Variants in PTGR2 observed in about 807,000 individuals in gnomAD.
The protein encoded by PTGR2 is prostaglandin reductase 2, also known as 15-oxoprostaglandin 13-reductase.
Under a neutral mutation model 43.4 loss-of-function variants are expected in PTGR2, and 32 were observed. The observed-to-expected ratio is 0.74, with a 90% CI of 0.56 to 0.99. The LOEUF is 0.99. PTGR2 is among the 50% of genes least tolerant of loss of function. PTGR2 has a pLI of 0.00. For synonymous variants in PTGR2, 106 were observed against 139.2 expected, an observed-to-expected ratio of 0.76 and a Z score of 1.68; for missense variants, 373 against 420.0, an observed-to-expected ratio of 0.89 and a Z score of 0.98.
intron 3 of PTGR2, among the ~76,000 whole-genome samples, chr14:73,873,742 G>C (rs2054790723): frequency 6.6e-6 from 1 of 152,064 alleles, no homozygotes; most frequent in Non-Finnish European, 1.5e-5. Context: ...AGGATTATAG[G>C]CCTGAGCCAC....
intron 1 of PTGR2, among the ~76,000 whole-genome samples, chr14:73,855,301 A>T (rs2054319735): frequency 6.6e-6 from 1 of 152,178 alleles, no homozygotes; most frequent in Non-Finnish European, 1.5e-5. Context: ...TAAATCTGTG[A>T]TGGCTGGGTT....
In PTGR2 at chr14:73,860,774, A is replaced by G. The variant is rs376244488; in HGVS notation, c.156+117A>G. On this transcript the variant is annotated intron_variant, in intron 3 of 9. Coordinates refer to ENST00000555661, the MANE Select transcript of PTGR2 (RefSeq NM_001146154.2). ...GATTGGTAAATATTTGAGCAGTTAT[A>G]TATTGATACCTTTTAATTATAGATT... 1.1e-4 allele frequency: 66 copies of G among 600,238 alleles called. 1 individual carries two copies. The highest frequency in any genetic ancestry group is 2.8e-4 in the South Asian group (14 of 49,514). The allele number at this position is 600,238 out of a possible 1,614,324, so 37.2% of individuals were successfully genotyped here. A position where few individuals can be genotyped will look rare whatever the true frequency, so the allele number is the denominator to read the frequency against.
chr14:73,864,128 T>C (rs906919107), intron 3 of PTGR2, among the ~76,000 whole-genome samples: 2 of 152,236 alleles, frequency 1.3e-5, no homozygotes, highest in South Asian at 4.1e-4. Flanking sequence ...TGTTGTAGTT[T>C]ATACTTCTTT....
intron 3 of PTGR2, chr14:73,861,554 A>G (rs2054490365): frequency 6.6e-6 from 1 of 152,098 alleles, no homozygotes; most frequent in Admixed American, 6.6e-5. Context: ...TGGACAAGAG[A>G]GTGAGACCCA....
At chr14:73,875,246 C>A (rs1293790542) in intron 4 of PTGR2, among the ~76,000 whole-genome samples, 1 of 152,138 alleles carries the variant, frequency 6.6e-6, no homozygotes, top group East Asian at 1.9e-4. Flanking sequence ...GATCCTCCCG[C>A]CTCAGCCCCA....
At chr14:73,882,850 T>C (rs2055026563) in intron 9 of PTGR2, among the ~76,000 whole-genome samples, 1 of 119,214 alleles carries the variant, frequency 8.4e-6, no homozygotes. Context: ...AGACGGAGTC[T>C]TGCTCTGTCT....
Position 73,876,978 on chromosome 14 carries a change from G to C in PTGR2, c.349-20G>C. The C allele has an allele frequency of 1.3e-6, 2 of 1,585,632 alleles. No homozygotes were observed. Among genetic ancestry groups the C allele is most frequent in the Non-Finnish European group, 1.7e-6 (2 of 1,161,158 alleles). On this transcript the variant is annotated intron_variant, in intron 4 of 9. Transcript: ENST00000555661. ...AACAGGAATTCCTAGTATTTTTAAA[G>C]GGTATATATTTTATTTTAGGTAGAC... is the stretch of plus-strand genomic sequence containing the variant.
intron 3 of PTGR2, among the ~76,000 whole-genome samples, chr14:73,872,783 C>A (rs904298736): frequency 4.0e-5 from 6 of 151,826 alleles, no homozygotes; most frequent in African/African-American, 1.5e-4. Context: ...TCGAGACCAG[C>A]CTGGCCAATA....
chr14:73,867,104 A>C (rs1024541414), intron 3 of PTGR2, among the ~76,000 whole-genome samples: 7 of 138,176 alleles, frequency 5.1e-5, no homozygotes, highest in African/African-American at 7.8e-5. Context: ...AAAAAAAAAA[A>C]AAAACAAAAA....
At chr14:73,864,776 G>A (rs1375467338) in intron 3 of PTGR2, among the ~76,000 whole-genome samples, 1 of 152,078 alleles carries the variant, frequency 6.6e-6, no homozygotes, top group Non-Finnish European at 1.5e-5. Context: ...ATCCATTGAA[G>A]CACAAAAGTT....
At chr14:73,862,030 A>G (rs1195975407) in intron 3 of PTGR2, among the ~76,000 whole-genome samples, 1 of 150,930 alleles carries the variant, frequency 6.6e-6, no homozygotes, top group Non-Finnish European at 1.5e-5. Flanking sequence ...GTCGTACACC[A>G]CCACACCCAG....
chr14:73,865,242 G>T (rs2054575328), intron 3 of PTGR2, among the ~76,000 whole-genome samples: 1 of 152,158 alleles, frequency 6.6e-6, no homozygotes, highest in Non-Finnish European at 1.5e-5. Context: ...ATACTTGTCA[G>T]TCCCAAGGCC....
chr14:73,885,243 T>A lies in PTGR2; in HGVS notation c.*1066T>A, dbSNP rs2055101713. The A allele has an allele frequency of 6.6e-6, 1 of 152,180 alleles. No homozygotes were observed. The highest frequency in any genetic ancestry group is 6.5e-5 in the Admixed American group (1 of 15,270). The allele number at this position is 152,180 out of a possible 1,614,324, so 9.4% of individuals were successfully genotyped here. On this transcript the variant is annotated 3_prime_UTR_variant, in exon 10 of 10. Transcript: ENST00000555661. ...GGGGGAGGTTGCCGTGAGCTGAGCT[T>A]GCACCATTGCACTCCAGCCTGGGCG... is the stretch of plus-strand genomic sequence containing the variant.
Position 73,881,327 on chromosome 14 carries a change from C to T in PTGR2, c.939+35C>T, listed in dbSNP as rs1292793373. 6 of 1,236,260 alleles carry T rather than the reference C, an allele frequency of 4.9e-6. No homozygotes were observed. In the Middle Eastern group the frequency reaches 9.8e-4, roughly 202 times the overall value. The allele number at this position is 1,236,260 out of a possible 1,614,324, so 76.6% of individuals were successfully genotyped here. A position where few individuals can be genotyped will look rare whatever the true frequency, so the allele number is the denominator to read the frequency against. On this transcript the variant is annotated intron_variant, in intron 8 of 9. Coordinates refer to ENST00000555661, the MANE Select transcript of PTGR2 (RefSeq NM_001146154.2). ...CTATTCTTTATCAATATAATTCTTC[C>T]TGCTACTTGATATAATTTTGCATTA... is the stretch of plus-strand genomic sequence containing the variant.
chr14:73,876,483 C>CTTTTTTTTTTTTTT lies in PTGR2; in HGVS notation c.349-512_349-499dup, dbSNP rs766810794. Among the ~76,000 whole-genome samples, 568 of 108,396 alleles carry CTTTTTTTTTTTTTT rather than the reference C, an allele frequency of 5.2e-3. 34 individuals carry two copies. The highest frequency in any genetic ancestry group is 0.04 in the East Asian group (127 of 3,212). The allele number at this position is 108,396 out of a possible 152,430, so 71.1% of individuals were successfully genotyped here. ...TCTTCTTCTTCTAAGGACATAAGTC[C>CTTTTTTTTTTTTTT]TTTTTTTTTTTTTTTTGAGATGAAG... is the stretch of plus-strand genomic sequence containing the variant. On this transcript the variant is annotated intron_variant, in intron 4 of 9. Coordinates refer to ENST00000555661, the MANE Select transcript of PTGR2 (RefSeq NM_001146154.2).
rs1334759769 is a variant in PTGR2 at position 73,851,931 on chromosome 14, C to A, written c.-60C>A. The A allele has an allele frequency of 6.6e-6, 1 of 152,252 alleles. No homozygotes were observed. The highest frequency in any genetic ancestry group is 6.5e-5 in the Admixed American group (1 of 15,274). 9.4% of individuals were successfully genotyped at this position (152,252 alleles called of 1,614,324 possible). ...CAAATCACGCGAGATTTCGTTCACCCGGGCTCCACAGGGTCAGTGACGCGC... is the reference window on the plus strand; with the variant it reads ...CAAATCACGCGAGATTTCGTTCACCAGGGCTCCACAGGGTCAGTGACGCGC... On this transcript the variant is annotated 5_prime_UTR_variant, in exon 1 of 10. Transcript: ENST00000555661.
At chr14:73,868,646 G>C (rs1280004829) in intron 3 of PTGR2, among the ~76,000 whole-genome samples, 2 of 151,920 alleles carry the variant, frequency 1.3e-5, no homozygotes, top group East Asian at 3.9e-4. Flanking sequence ...AATCACCTCA[G>C]GGCCAGATGC....
rs1595347025 is a variant in PTGR2, at chr14:73,858,569, A to AC, written c.-47-247_-47-246insC. The AC allele has an allele frequency of 3.7e-5, 10 of 266,998 alleles. No individual in the cohort carries two copies. In the East Asian group the frequency reaches 7.8e-4, roughly 21 times the overall value. 16.5% of individuals were successfully genotyped at this position (266,998 alleles called of 1,614,324 possible). On this transcript the variant is annotated intron_variant, in intron 1 of 9. Transcript: ENST00000555661. ...CTCCGTCTTTAAAATAAATAAATAA[A>AC]TAAACAAACATTTTGCCCCACTTAA...
intron 3 of PTGR2, among the ~76,000 whole-genome samples, chr14:73,862,364 C>G (rs1334785961): frequency 6.6e-6 from 1 of 152,000 alleles, no homozygotes; most frequent in Non-Finnish European, 1.5e-5. Flanking sequence ...ACCGCCACCA[C>G]GCCCGGCTAA....
Sources: allele counts gnomAD v4.1 joint callset (sites outside exome capture counted in the v4.1 genomes callset), GRCh38; gene constraint gnomAD v4.1.1; transcripts MANE v1.5; gene names NCBI Gene and HGNC (gene_info 2026-07-23, HGNC 2026-07-21).